Variants in PTPN14 observed in about 807,000 individuals in gnomAD.
PTPN14 encodes the protein tyrosine-protein phosphatase non-receptor type 14.
In PTPN14, 53 loss-of-function variants were observed where a neutral mutation model predicts 126.8. The observed-to-expected ratio is 0.42, with a 90% CI of 0.34 to 0.53. The LOEUF (loss-of-function observed/expected upper bound fraction) is 0.53, where lower values mean the gene tolerates loss of function less well. Among genes scored for constraint, PTPN14 ranks in the 20% least tolerant of loss-of-function variants. The pLI is 0.08. For synonymous variants in PTPN14, 630 were observed against 599.3 expected, an observed-to-expected ratio of 1.05 and a Z score of -0.75; for missense variants, 1,257 against 1,552.9, an observed-to-expected ratio of 0.81 and a Z score of 3.20.
chr1:214,445,659 A>T (rs1660127945), intron 3 of PTPN14, among the ~76,000 whole-genome samples: 1 of 152,172 alleles, frequency 6.6e-6, no homozygotes, highest in South Asian at 2.1e-4. Context: ...TTTTCTTTTA[A>T]AAGTTTTCTC....
intron 1 of PTPN14, chr1:214,529,438 T>C (rs1398388080): frequency 1.3e-5 from 2 of 152,394 alleles, no homozygotes; most frequent in East Asian, 1.9e-4. Context: ...AAAAGACGAT[T>C]GGTCACACAC....
intron 1 of PTPN14, among the ~76,000 whole-genome samples, chr1:214,471,639 G>T (rs1026888657): frequency 1.1e-4 from 16 of 152,176 alleles, no homozygotes; most frequent in African/African-American, 3.1e-4. Flanking sequence ...AAGGTGGGGG[G>T]TGAGGTGGCA....
chr1:214,523,190 C>T (rs1428319562), intron 1 of PTPN14, among the ~76,000 whole-genome samples: 1 of 152,114 alleles, frequency 6.6e-6, no homozygotes, highest in South Asian at 2.1e-4. Context: ...CCTGGCATCC[C>T]GAGGTCAACA....
chr1:214,393,106 C>A (rs1431124667), intron 10 of PTPN14, among the ~76,000 whole-genome samples: 1 of 152,192 alleles, frequency 6.6e-6, no homozygotes. Flanking sequence ...TAAGTGCCCT[C>A]ATCACACGCC....
At position 214,386,847 on chromosome 1, in the gene PTPN14, G is replaced by C; in HGVS notation, c.1063C>G (p.Gln355Glu). Residue 355 changes from glutamine to glutamate, a missense_variant, in exon 12 of 19, where the codon CAA (glutamine) becomes GAA (glutamate). By Grantham distance (29) the Gln-to-Glu change is conservative. Around this residue, in one of 3 missense-constraint regions of PTPN14, gnomAD observed 1,021 missense variants for 1,183.3 expected, o/e 0.86. Transcript: ENST00000366956. ...GEHYSETHTS[Q>E]DSIFHGNEEA... The stretch of plus-strand genomic sequence containing the variant: ...GAGAACGGCAAGCCAGAGTTACCTT[G>C]CGAGGTGTGCGTTTCCGAGTAGTGC... 6.3e-7 allele frequency: 1 copy of C among 1,593,916 alleles called. No homozygotes were observed. The highest frequency in any genetic ancestry group is 8.6e-7 in the Non-Finnish European group (1 of 1,162,148).
chr1:214,373,765 G>A (rs1294550228), intron 15 of PTPN14, among the ~76,000 whole-genome samples: 1 of 151,952 alleles, frequency 6.6e-6, no homozygotes, highest in African/African-American at 2.4e-5. Flanking sequence ...CTGTGGATCT[G>A]AGATGAAGTG....
intron 1 of PTPN14, among the ~76,000 whole-genome samples, chr1:214,535,532 C>T (rs1316723238): frequency 6.6e-6 from 1 of 152,142 alleles, no homozygotes; most frequent in South Asian, 2.1e-4. Flanking sequence ...AATCCCAGAA[C>T]TTTGGGAGGC....
chr1:214,458,602 T>C (rs930731390), intron 2 of PTPN14, among the ~76,000 whole-genome samples: 1 of 95,154 alleles, frequency 1.1e-5, no homozygotes, highest in African/African-American at 4.6e-5. Flanking sequence ...ATAAGAAAAC[T>C]GAGGCACAGG....
chr1:214,460,004 T>C (rs1469548552), intron 2 of PTPN14, among the ~76,000 whole-genome samples: 2 of 152,182 alleles, frequency 1.3e-5, no homozygotes, highest in East Asian at 3.9e-4. Flanking sequence ...TCCCAAAGCA[T>C]TTTACCATAC....
At chr1:214,369,318 G>A in intron 17 of PTPN14, 139 bp downstream of exon 17, 1 of 739,032 alleles carries the variant, frequency 1.4e-6, no homozygotes, top group East Asian at 2.7e-5. Context: ...AGTAAGAAAG[G>A]AATATATATT....
intron 3 of PTPN14, among the ~76,000 whole-genome samples, chr1:214,433,641 C>G (rs375967188): frequency 6.6e-6 from 1 of 151,842 alleles, no homozygotes; most frequent in African/African-American, 2.4e-5. Context: ...CATAAATATA[C>G]GCTTAAGAAA....
chr1:214,445,328 A>T (rs1014622483), intron 3 of PTPN14, among the ~76,000 whole-genome samples: 1 of 152,196 alleles, frequency 6.6e-6, no homozygotes, highest in African/African-American at 2.4e-5. Context: ...ATCCTTGGCA[A>T]ATGGAATGAC....
intron 1 of PTPN14, among the ~76,000 whole-genome samples, chr1:214,517,440 G>A (rs1275463238): frequency 6.6e-6 from 1 of 151,074 alleles, no homozygotes; most frequent in Non-Finnish European, 1.5e-5. Flanking sequence ...AAAGAAGCTT[G>A]AGATGGTACT....
At chr1:214,429,696 AT>A (rs1261239236) in intron 3 of PTPN14, among the ~76,000 whole-genome samples, 1 of 152,212 alleles carries the variant, frequency 6.6e-6, no homozygotes, top group Non-Finnish European at 1.5e-5. Context: ...AATCCTTGAT[AT>A]TTTGCCCAAA....
chr1:214,398,460 T>C (rs1281076200), intron 7 of PTPN14, among the ~76,000 whole-genome samples: 1 of 152,128 alleles, frequency 6.6e-6, no homozygotes, highest in Admixed American at 6.6e-5. Context: ...TGTTGTTTGT[T>C]TGTTTTGAAA....
intron 8 of PTPN14, among the ~76,000 whole-genome samples, chr1:214,396,996 CTT>C (rs1658894186): frequency 6.6e-6 from 1 of 152,214 alleles, no homozygotes; most frequent in African/African-American, 2.4e-5. Context: ...AAAGATCTCT[CTT>C]GTCACTCCTG....
Position 214,464,619 on chromosome 1 carries a change from AC to A in PTPN14, c.174+10del. The A allele has an allele frequency of 6.2e-7, 1 of 1,612,886 alleles. No homozygotes were observed. Among genetic ancestry groups the A allele is most frequent in the Non-Finnish European group, 8.5e-7 (1 of 1,179,040 alleles). ...CACGCGCACATGCGCACACAGACAC[AC>A]CCCTCTTACCTCTCGCAGCTCCAGC... On this transcript the variant is annotated intron_variant, in intron 2 of 18. Transcript: ENST00000366956.
intron 13 of PTPN14, among the ~76,000 whole-genome samples, chr1:214,381,152 G>A (rs189072096): frequency 3.0e-3 from 456 of 152,314 alleles, no homozygotes; most frequent in African/African-American, 9.8e-3. Context: ...GCTCTAAGGA[G>A]GAGACCCATG....
chr1:214,534,684 G>A (rs1166235242), intron 1 of PTPN14, among the ~76,000 whole-genome samples: 1 of 140,060 alleles, frequency 7.1e-6, no homozygotes, highest in Non-Finnish European at 1.5e-5. Flanking sequence ...CTGCACTCCA[G>A]CCTGGGCAAC....
Sources: allele counts gnomAD v4.1 joint callset (sites outside exome capture counted in the v4.1 genomes callset), GRCh38; gene constraint gnomAD v4.1.1; regional missense constraint gnomAD v4.1.1; transcripts MANE v1.5; gene names NCBI Gene and HGNC (gene_info 2026-07-23, HGNC 2026-07-21).